The following KCNJ3 variants were observed in gnomAD, a reference collection of about 807,000 sequenced individuals.
KCNJ3 encodes the protein G protein-activated inward rectifier potassium channel 1.
A neutral mutation model predicts 39.2 loss-of-function variants in KCNJ3; 4 were observed. The ratio of observed to expected loss-of-function variants is 0.10; its 90% CI spans 0.05 to 0.23. The LOEUF (loss-of-function observed/expected upper bound fraction) is 0.23. Among genes scored for constraint, KCNJ3 ranks in the 10% least tolerant of loss-of-function variants. KCNJ3 has a pLI of 1.00. For synonymous variants in KCNJ3, 230 were observed against 237.4 expected (o/e 0.97, Z 0.29); for missense variants, 276 against 634.9 (o/e 0.43, Z 6.08).
chr2:154,726,796 TACACACACAC>T (rs58366846), intron 2 of KCNJ3, among the ~76,000 whole-genome samples: 5 of 115,378 alleles, frequency 4.3e-5, no homozygotes, highest in South Asian at 2.9e-4. Flanking sequence ...TTTATATACA[TACACACACAC>T]ACACACACAC....
intron 2 of KCNJ3, among the ~76,000 whole-genome samples, chr2:154,736,780 T>C (rs1184653441): frequency 6.6e-6 from 1 of 152,094 alleles, no homozygotes; most frequent in Admixed American, 6.5e-5. Flanking sequence ...TTCAGGACAA[T>C]TGGATGTCAC....
At chr2:154,852,039 A>T (rs573800700) in intron 2 of KCNJ3, among the ~76,000 whole-genome samples, 90 of 152,222 alleles carry the variant, frequency 5.9e-4, no homozygotes, top group Non-Finnish European at 1.2e-3. Context: ...AATTGAACAG[A>T]CTTCATAACC....
At chr2:154,783,047 GGGC>G (rs1048950691) in intron 2 of KCNJ3, among the ~76,000 whole-genome samples, 8 of 152,076 alleles carry the variant, frequency 5.3e-5, no homozygotes, top group African/African-American at 1.7e-4. Context: ...GCGTGGTCGT[GGGC>G]ACCTGTATTC....
intron 2 of KCNJ3, among the ~76,000 whole-genome samples, chr2:154,766,504 T>A (rs983906275): frequency 1.3e-5 from 2 of 151,934 alleles, no homozygotes; most frequent in African/African-American, 4.8e-5. Context: ...AAAAGAAATT[T>A]TAATAAAAAT....
chr2:154,748,370 T>C (rs1376248183), intron 2 of KCNJ3, among the ~76,000 whole-genome samples: 2 of 152,070 alleles, frequency 1.3e-5, no homozygotes, highest in Non-Finnish European at 2.9e-5. Context: ...TACATGGGCA[T>C]ATTGAAGGTA....
At chr2:154,834,290 T>C (rs770650143) in intron 2 of KCNJ3, among the ~76,000 whole-genome samples, 11 of 152,224 alleles carry the variant, frequency 7.2e-5, no homozygotes, top group Non-Finnish European at 1.6e-4. Flanking sequence ...TGATGACATA[T>C]GATGTTGAAC....
At chr2:154,852,561 A>T (rs1175110866) in intron 2 of KCNJ3, among the ~76,000 whole-genome samples, 1 of 152,128 alleles carries the variant, frequency 6.6e-6, no homozygotes, top group African/African-American at 2.4e-5. Flanking sequence ...CTTCCACATT[A>T]TTTGTTTTAC....
At chr2:154,741,550 C>T (rs562771810) in intron 2 of KCNJ3, among the ~76,000 whole-genome samples, 5 of 151,416 alleles carry the variant, frequency 3.3e-5, no homozygotes, top group Non-Finnish European at 7.4e-5. Flanking sequence ...GGGATGTGGT[C>T]ATTTCTTCAG....
intron 2 of KCNJ3, among the ~76,000 whole-genome samples, chr2:154,771,341 A>G (rs1686238926): frequency 6.6e-6 from 1 of 152,212 alleles, no homozygotes; most frequent in South Asian, 2.1e-4. Flanking sequence ...GAGAAAATAA[A>G]TTTGGATTCA....
At position 154,855,432 on chromosome 2, in the gene KCNJ3, A is replaced by G; in HGVS notation, c.*119A>G. 1 of 710,650 alleles carries G rather than the reference A, an allele frequency of 1.4e-6. No homozygotes were observed. The highest frequency in any genetic ancestry group is 2.3e-6 in the Non-Finnish European group (1 of 433,536). 44.0% of individuals were successfully genotyped at this position (710,650 alleles called of 1,614,324 possible). The stretch of plus-strand genomic sequence containing the variant: ...ATTTTCCTCCCAGTTCTACAAGCAT[A>G]TTTGAGAACCCTTCCTTTCCCAAGT... On this transcript the variant is annotated 3_prime_UTR_variant, in exon 3 of 3. Coordinates refer to ENST00000295101, the MANE Select transcript of KCNJ3 (RefSeq NM_002239.4).
intron 2 of KCNJ3, among the ~76,000 whole-genome samples, chr2:154,853,931 A>T (rs1419021200): frequency 6.6e-6 from 1 of 152,188 alleles, no homozygotes; most frequent in Non-Finnish European, 1.5e-5. Flanking sequence ...GATACATCAC[A>T]TGGCCCAGAA....
At chr2:154,706,832 T>A (rs1231065465) in intron 1 of KCNJ3, among the ~76,000 whole-genome samples, 1 of 152,106 alleles carries the variant, frequency 6.6e-6, no homozygotes, top group African/African-American at 2.4e-5. Flanking sequence ...AGTCAGAAGC[T>A]CAGACTTCAA....
chr2:154,746,492 A>G (rs1400804421), intron 2 of KCNJ3, among the ~76,000 whole-genome samples: 1 of 151,196 alleles, frequency 6.6e-6, no homozygotes, highest in Non-Finnish European at 1.5e-5. Flanking sequence ...TATTTATGTT[A>G]TTTTTATTAT....
chr2:154,819,825 G>A (rs964839610), intron 2 of KCNJ3, among the ~76,000 whole-genome samples: 2 of 151,676 alleles, frequency 1.3e-5, no homozygotes, highest in Admixed American at 6.6e-5. Context: ...CACCACTCCC[G>A]GATACAACAC....
chr2:154,842,389 T>C (rs371506842), intron 2 of KCNJ3, among the ~76,000 whole-genome samples: 3 of 152,354 alleles, frequency 2.0e-5, no homozygotes, highest in African/African-American at 7.2e-5. Flanking sequence ...ATAAATGCGA[T>C]GTGGTACTGA....
chr2:154,801,133 G>A (rs1175355195), intron 2 of KCNJ3, among the ~76,000 whole-genome samples: 1 of 152,150 alleles, frequency 6.6e-6, no homozygotes, highest in Non-Finnish European at 1.5e-5. Context: ...ACTGACCTTT[G>A]TCAGCTCCAT....
intron 2 of KCNJ3, among the ~76,000 whole-genome samples, chr2:154,755,907 A>G (rs1685929046): frequency 6.6e-6 from 1 of 152,088 alleles, no homozygotes; most frequent in South Asian, 2.1e-4. Flanking sequence ...TGTGTGAAAT[A>G]GGGATAGTTA....
chr2:154,723,463 G>A (rs1685298062), intron 2 of KCNJ3, among the ~76,000 whole-genome samples: 1 of 151,974 alleles, frequency 6.6e-6, no homozygotes, highest in East Asian at 1.9e-4. Flanking sequence ...ACTTTATGAG[G>A]CAAAAAACAA....
intron 2 of KCNJ3, among the ~76,000 whole-genome samples, chr2:154,752,825 G>A (rs1474828497): frequency 6.6e-6 from 1 of 151,964 alleles, no homozygotes; most frequent in African/African-American, 2.4e-5. Context: ...AGTAAAGGAA[G>A]TTATTCATGA....
Sources: allele counts gnomAD v4.1 joint callset (sites outside exome capture counted in the v4.1 genomes callset), GRCh38; gene constraint gnomAD v4.1.1; transcripts MANE v1.5; gene names NCBI Gene and HGNC (gene_info 2026-07-23, HGNC 2026-07-21).